The following SAMD4B variants were observed in gnomAD, a reference collection of about 807,000 sequenced individuals.
The protein encoded by SAMD4B is protein Smaug homolog 2.
A neutral mutation model predicts 74.5 loss-of-function variants in SAMD4B; 5 were observed. The ratio of observed to expected loss-of-function variants is 0.07; its 90% CI spans 0.04 to 0.14. The LOEUF (loss-of-function observed/expected upper bound fraction) is 0.14, where lower values mean the gene tolerates loss of function less well. SAMD4B is among the 10% of genes least tolerant of loss of function. The pLI is 1.00. For synonymous variants in SAMD4B, 373 were observed against 374.9 expected, an observed-to-expected ratio of 1.00 and a Z score of 0.06; for missense variants, 608 against 921.8, an observed-to-expected ratio of 0.66 and a Z score of 4.41.
intron 1 of SAMD4B, among the ~76,000 whole-genome samples, chr19:39,344,106 C>T (rs2075538221): frequency 6.7e-6 from 1 of 150,196 alleles, no homozygotes; most frequent in Non-Finnish European, 1.5e-5. Flanking sequence ...TGAATCAATA[C>T]TTCTGCCTTA....
Position 39,378,423 on chromosome 19 carries a change from G to A in SAMD4B, c.1445-81G>A. 8.0e-7 allele frequency: 1 copy of A among 1,254,838 alleles called. No homozygotes were observed. Among genetic ancestry groups the A allele is most frequent in the Non-Finnish European group, 1.2e-6 (1 of 859,684 alleles). 77.7% of individuals were successfully genotyped at this position (1,254,838 alleles called of 1,614,324 possible). On this transcript the variant is annotated intron_variant, in intron 8 of 13. Coordinates refer to ENST00000610417, the MANE Select transcript of SAMD4B (RefSeq NM_001384574.2). The surrounding 1 kb of genome is among the most constrained non-coding windows in gnomAD (Gnocchi z 4.4). ...CAGCCTGAGTCTCCTGTTCCTTCTT[G>A]TGCACGAGCCAGCTGGAGGCTGGAA...
rs1431669643 is a variant in SAMD4B at position 39,343,990 on chromosome 19, C to CA, written c.-267+1414_-267+1415insA. Among the ~76,000 whole-genome samples the CA allele has an allele frequency of 4.6e-4, 39 of 85,546 alleles. 1 individual carries two copies. Among genetic ancestry groups the CA allele is most frequent in the Admixed American group, 1.4e-3 (13 of 9,534 alleles). The allele number at this position is 85,546 out of a possible 152,430, so 56.1% of individuals were successfully genotyped here. A position where few individuals can be genotyped will look rare whatever the true frequency, so the allele number is the denominator to read the frequency against. Reference sequence around the variant, plus strand: ...ATATGCAGGTTTTCAGGACCCCCCCCCCCCACACACACACACAGCTTAGAG... The same window carrying CA: ...ATATGCAGGTTTTCAGGACCCCCCCCACCCCACACACACACACAGCTTAGAG... On this transcript the variant is annotated intron_variant, in intron 1 of 13. Coordinates refer to ENST00000610417, the MANE Select transcript of SAMD4B (RefSeq NM_001384574.2).
At chr19:39,344,521 T>C (rs1360089306) in intron 1 of SAMD4B, among the ~76,000 whole-genome samples, 1 of 152,100 alleles carries the variant, frequency 6.6e-6, no homozygotes, top group Non-Finnish European at 1.5e-5. Context: ...CCTCAGAACT[T>C]TCCCTCAGAT....
downstream of SAMD4B, chr19:39,389,605 G>GACCT (rs1263447964): frequency 1.9e-6 from 3 of 1,614,150 alleles, no homozygotes; most frequent in African/African-American, 1.3e-5. This position sits in a 1 kb window ranked among gnomAD's most constrained non-coding sequence, Gnocchi z 5.3. Context: ...AGCCTTTGCT[G>GACCT]ACCTAGAGCA....
intron 5 of SAMD4B, among the ~76,000 whole-genome samples, 156 bp downstream of exon 5, chr19:39,376,045 A>T (rs1242752805): frequency 6.6e-6 from 1 of 152,148 alleles, no homozygotes; most frequent in Non-Finnish European, 1.5e-5. Context: ...CTCAGGACTA[A>T]GCAGAGAGAC....
At chr19:39,387,482 G>A (rs34023248), downstream of SAMD4B, among the ~76,000 whole-genome samples, 295 of 152,278 alleles carry the variant, frequency 1.9e-3, no homozygotes, top group Non-Finnish European at 3.1e-3. Flanking sequence ...GGCTGGAAGT[G>A]AATAGTGCCC....
chr19:39,384,707 G>A lies in SAMD4B; in HGVS notation c.*1180G>A, dbSNP rs572523932. On this transcript the variant is annotated 3_prime_UTR_variant, in exon 14 of 14. Coordinates refer to ENST00000610417, the MANE Select transcript of SAMD4B (RefSeq NM_001384574.2). ...GAGGGGATTTGGGGGTTCAGACTGC[G>A]GGGAAGCCAGGGTCTCCCTCTTCAA... 7.9e-5 allele frequency: 12 copies of A among 152,578 alleles called. No individual in the cohort carries two copies. The East Asian group carries it at 2.3e-3, about 30-fold the overall frequency. 9.5% of individuals were successfully genotyped at this position (152,578 alleles called of 1,614,324 possible). A position where few individuals can be genotyped will look rare whatever the true frequency, so the allele number is the denominator to read the frequency against.
intron 1 of SAMD4B, among the ~76,000 whole-genome samples, chr19:39,346,987 A>T (rs936140936): frequency 9.2e-5 from 14 of 151,874 alleles, no homozygotes; most frequent in Middle Eastern, 3.4e-3. Context: ...ACAATAAAAT[A>T]AAAAAAAAGC....
chr19:39,364,811 C>T (rs1266785227), intron 3 of SAMD4B, among the ~76,000 whole-genome samples: 1 of 152,166 alleles, frequency 6.6e-6, no homozygotes, highest in East Asian at 1.9e-4. Context: ...GCTTCATAAT[C>T]TTGGCAGTCG....
chr19:39,353,774 A>G (rs2076188994), intron 1 of SAMD4B, among the ~76,000 whole-genome samples: 2 of 151,808 alleles, frequency 1.3e-5, no homozygotes, highest in African/African-American at 2.4e-5. Flanking sequence ...GCTAATTTTT[A>G]TATTTTTAGT....
downstream of SAMD4B, among the ~76,000 whole-genome samples, chr19:39,388,095 C>G (rs929274782): frequency 2.0e-5 from 3 of 152,118 alleles, no homozygotes; most frequent in African/African-American, 7.2e-5. Flanking sequence ...GGGCTGAGAT[C>G]ACACCACTGC....
chr19:39,384,696 G>C lies in SAMD4B; in HGVS notation c.*1169G>C, dbSNP rs1246538730. The C allele has an allele frequency of 6.6e-6, 1 of 152,404 alleles. No homozygotes were observed. Among genetic ancestry groups the C allele is most frequent in the Non-Finnish European group, 1.5e-5 (1 of 67,996 alleles). 9.4% of individuals were successfully genotyped at this position (152,404 alleles called of 1,614,324 possible). On this transcript the variant is annotated 3_prime_UTR_variant, in exon 14 of 14. Transcript: ENST00000610417. ...CCAGGTGGAGGGAGGGGATTTGGGG[G>C]TTCAGACTGCGGGGAAGCCAGGGTC...
chr19:39,370,030 A>G lies in SAMD4B; in HGVS notation c.572A>G (p.Gln191Arg). 6.2e-7 allele frequency: 1 copy of G among 1,612,254 alleles called. No homozygotes were observed. Among genetic ancestry groups the G allele is most frequent in the Non-Finnish European group, 8.5e-7 (1 of 1,179,208 alleles). Reference sequence around the variant, plus strand: ...CCTGGGGAGGCAGGGCCAGGCTGGCAGGACAAGCCACCCCGGGAAAATGGA... The same window carrying G: ...CCTGGGGAGGCAGGGCCAGGCTGGCGGGACAAGCCACCCCGGGAAAATGGA... ...LGPGEAGPGW[Q>R]DKPPRENGHV... The change falls in exon 4 of 14, where the codon CAG becomes CGG. Residue 191 changes from glutamine to arginine, a missense_variant. Physicochemically the swap from Gln to Arg is conservative, Grantham distance 43. Around this residue, in one of 9 missense-constraint regions of SAMD4B, gnomAD observed 153 missense variants for 153.0 expected, o/e 1.00. Transcript: ENST00000610417.
At chr19:39,389,230 A>G, downstream of SAMD4B, 2 of 1,607,056 alleles carry the variant, frequency 1.2e-6, no homozygotes, top group Non-Finnish European at 1.7e-6. The surrounding 1 kb of genome is among the most constrained non-coding windows in gnomAD (Gnocchi z 5.3). Flanking sequence ...CTTAGGGGCC[A>G]CTGGACACAC....
At chr19:39,353,029 G>A (rs1167327544) in intron 1 of SAMD4B, among the ~76,000 whole-genome samples, 1 of 152,174 alleles carries the variant, frequency 6.6e-6, no homozygotes, top group Admixed American at 6.5e-5. Flanking sequence ...AGCAGCCAGG[G>A]AGCTTATTAC....
At chr19:39,345,136 A>G (rs942550901) in intron 1 of SAMD4B, among the ~76,000 whole-genome samples, 1 of 152,176 alleles carries the variant, frequency 6.6e-6, no homozygotes, top group Admixed American at 6.5e-5. Context: ...TTTGATGCAC[A>G]CGCAAGTTTG....
At chr19:39,377,406 G>A in intron 7 of SAMD4B, 79 bp from the exon 8 acceptor site, 1 of 1,297,854 alleles carries the variant, frequency 7.7e-7, no homozygotes, top group Middle Eastern at 1.9e-4. Context: ...TGCAAGCCCT[G>A]TCTGACTCTC....
intron 3 of SAMD4B, among the ~76,000 whole-genome samples, chr19:39,357,507 C>T (rs540776824): frequency 1.3e-5 from 2 of 152,192 alleles, no homozygotes; most frequent in South Asian, 2.1e-4. Context: ...TATTCTTTAC[C>T]CTCAAAGGTA....
rs772568404 is a variant in SAMD4B, at chr19:39,377,657, C to G, written c.1277C>G (p.Pro426Arg). 6.2e-7 allele frequency: 1 copy of G among 1,613,966 alleles called. No homozygotes were observed. Among genetic ancestry groups the G allele is most frequent in the African/African-American group, 1.3e-5 (1 of 74,954 alleles). The stretch of plus-strand genomic sequence containing the variant: ...CCACCGCTGCCAGGTGCTGAGCCTC[C>G]CCTAGCCCACCCCGGCACAGACAAA... Reference protein sequence around the residue: ...GEPPLPGAEPPLAHPGTDKGT... With the variant: ...GEPPLPGAEPRLAHPGTDKGT... Residue 426 changes from proline (P) to arginine (R), a missense_variant, in exon 8 of 14, where the codon CCC becomes CGC. Physicochemically the swap from Pro to Arg is moderately radical, Grantham distance 103 (BLOSUM62 -2). Coordinates refer to ENST00000610417, the MANE Select transcript of SAMD4B (RefSeq NM_001384574.2).
Sources: gnomAD v4.1 joint callset for allele counts (sites outside exome capture counted in the v4.1 genomes callset) on GRCh38, gnomAD v4.1.1 for gene constraint, gnomAD v4.1.1 regional missense constraint, Gnocchi (gnomAD v3.1) non-coding constraint, MANE v1.5 for transcripts, NCBI Gene and HGNC (gene_info 2026-07-23, HGNC 2026-07-21) for gene names.